DPP6: variants seen among roughly 807,000 people sequenced by gnomAD.
DPP6 encodes the protein A-type potassium channel modulatory protein DPP6.
A neutral mutation model predicts 122.6 loss-of-function variants in DPP6; 69 were observed. That is an observed-to-expected ratio of 0.56 (90% CI 0.46 to 0.69). The LOEUF is 0.69. Among genes scored for constraint, DPP6 ranks in the 30% least tolerant of loss-of-function variants. DPP6 has a pLI of 0.00. For missense variants in DPP6, 928 were observed against 1,116.9 expected (o/e 0.83, Z 2.41); for synonymous variants, 418 against 433.1 (o/e 0.97, Z 0.43).
intron 3 of DPP6, chr7:154,475,488 G>C (rs1822653354): frequency 4.7e-6 from 1 of 211,162 alleles, no homozygotes; most frequent in African/African-American, 2.4e-5. Context: ...TTGTAGAATA[G>C]CTTCCAAATG....
Position 154,827,676 on chromosome 7 carries a change from G to A in DPP6, c.1666+20564G>A, listed in dbSNP as rs73483963. 4.7e-3 allele frequency among the ~76,000 whole-genome samples: 561 copies of A among 120,512 alleles called. 9 individuals carry two copies. Among genetic ancestry groups the A allele is most frequent in the African/African-American group, 0.017 (547 of 32,214 alleles). The allele number at this position is 120,512 out of a possible 152,430, so 79.1% of individuals were successfully genotyped here. On this transcript the variant is annotated intron_variant, in intron 16 of 25. Coordinates refer to ENST00000377770, the MANE Select transcript of DPP6 (RefSeq NM_130797.4). Reference sequence around the variant, plus strand: ...GGACGGCTGGCAGGGGGGTGGTGTCGCAGCCCAAGCAGAGTGAGGAGGGGG... The same window carrying A: ...GGACGGCTGGCAGGGGGGTGGTGTCACAGCCCAAGCAGAGTGAGGAGGGGG...
rs1221168255 is a variant in DPP6 at position 154,060,886 on chromosome 7, C to T, written c.243+7823C>T. 4.2e-5 allele frequency among the ~76,000 whole-genome samples: 6 copies of T among 144,102 alleles called. 1 individual carries two copies. The highest frequency in any genetic ancestry group is 7.8e-5 in the Non-Finnish European group (5 of 64,350). 94.5% of individuals were successfully genotyped at this position (144,102 alleles called of 152,430 possible). A position where few individuals can be genotyped will look rare whatever the true frequency, so the allele number is the denominator to read the frequency against. ...GGACCCACATCACAGAGTGGGGAGG[C>T]ACCCCCCACGAGGCGGGGACTGAGA... On this transcript the variant is annotated intron_variant, in intron 1 of 25. Transcript: ENST00000377770.
intron 8 of DPP6, among the ~76,000 whole-genome samples, chr7:154,731,283 A>G (rs1041401811): frequency 4.6e-5 from 7 of 152,250 alleles, no homozygotes; most frequent in African/African-American, 1.7e-4. Context: ...TAAGAAGATA[A>G]GCTGTGTACG....
At position 154,889,485 on chromosome 7, in the gene DPP6, A is replaced by G; in HGVS notation, c.2406A>G (p.Glu802=). ...AAATTCATTTCCAGCACACAGCAGA[A>G]CTCATTACACAACTAATTAGGGGAA... The part of the protein sequence containing the change: ...DEKIHFQHTA[E]LITQLIRGKA... The change falls in exon 25 of 26, where the codon GAA becomes GAG. Residue 802 remains glutamate, a synonymous_variant. Transcript: ENST00000377770. 1 of 1,603,996 alleles carries G rather than the reference A, an allele frequency of 6.2e-7. No individual in the cohort carries two copies. The highest frequency in any genetic ancestry group is 8.5e-7 in the Non-Finnish European group (1 of 1,176,050).
chr7:154,234,742 A>G (rs1255680919), intron 1 of DPP6, among the ~76,000 whole-genome samples: 3 of 152,142 alleles, frequency 2.0e-5, no homozygotes, highest in Non-Finnish European at 4.4e-5. Flanking sequence ...TGGACTTGCC[A>G]TGAGGGTCCA....
chr7:154,539,399 G>A lies in DPP6; in HGVS notation c.458-1133G>A, dbSNP rs557240662. Among the ~76,000 whole-genome samples, 24 of 152,060 alleles carry A rather than the reference G, an allele frequency of 1.6e-4. No homozygotes were observed. The South Asian group carries it at 4.2e-3, about 26-fold the overall frequency. On this transcript the variant is annotated intron_variant, in intron 3 of 25. Transcript: ENST00000377770. ...TGTTTTATAAAATTTCTTGGTGTAC[G>A]CATGTTCTCACTCATAGGTGGGAAT...
intron 1 of DPP6, among the ~76,000 whole-genome samples, chr7:154,405,187 G>T (rs556407761): frequency 6.6e-6 from 1 of 152,214 alleles, no homozygotes; most frequent in Non-Finnish European, 1.5e-5. Flanking sequence ...GACTTGGAGA[G>T]TTTATTAGCT....
At chr7:154,142,766 A>T (rs910271699) in intron 1 of DPP6, among the ~76,000 whole-genome samples, 10 of 147,506 alleles carry the variant, frequency 6.8e-5, no homozygotes, top group Non-Finnish European at 1.2e-4. Flanking sequence ...GCATTTTTCT[A>T]CTCACTTTTA....
At chr7:154,006,293 G>A (rs1455955904) in intron 1 of DPP6, among the ~76,000 whole-genome samples, 2 of 151,926 alleles carry the variant, frequency 1.3e-5, no homozygotes, top group Non-Finnish European at 2.9e-5. Flanking sequence ...GGGGTTCAAG[G>A]TTTTTATTAT....
intron 1 of DPP6, among the ~76,000 whole-genome samples, chr7:154,329,281 G>A (rs767095169): frequency 4.6e-5 from 7 of 152,342 alleles, no homozygotes; most frequent in Non-Finnish European, 7.3e-5. Flanking sequence ...TGTTGCATCC[G>A]CACTGGCCAG....
At chr7:154,392,001 C>T (rs979846599) in intron 1 of DPP6, among the ~76,000 whole-genome samples, 1 of 152,128 alleles carries the variant, frequency 6.6e-6, no homozygotes, top group Non-Finnish European at 1.5e-5. Flanking sequence ...TGGCCGGGCG[C>T]GGCGGCTCAC....
chr7:153,875,370 C>CA, the DPP6 span, among the ~76,000 whole-genome samples: 1 of 151,224 alleles, frequency 6.6e-6, no homozygotes, highest in Non-Finnish European at 1.5e-5. Context: ...ACTCTTCATG[C>CA]AAAAAAACAT....
At chr7:154,724,601 A>G (rs1168437437) in intron 7 of DPP6, among the ~76,000 whole-genome samples, 1 of 152,048 alleles carries the variant, frequency 6.6e-6, no homozygotes, top group Non-Finnish European at 1.5e-5. Context: ...GGGGCTTCCC[A>G]TTGCCTTTGG....
At chr7:153,976,577 A>G (rs966240680) in intron 1 of DPP6, among the ~76,000 whole-genome samples, 3 of 152,256 alleles carry the variant, frequency 2.0e-5, no homozygotes, top group Admixed American at 1.3e-4. Context: ...TGCAACTTCT[A>G]TTGAAACATA....
At chr7:154,489,888 A>G (rs1824126189) in intron 3 of DPP6, among the ~76,000 whole-genome samples, 1 of 150,038 alleles carries the variant, frequency 6.7e-6, no homozygotes. Flanking sequence ...CAAACGAAAG[A>G]TACGTTTCTG....
At chr7:154,136,338 C>G (rs968761778) in intron 1 of DPP6, among the ~76,000 whole-genome samples, 2 of 152,058 alleles carry the variant, frequency 1.3e-5, no homozygotes, top group African/African-American at 4.8e-5. Flanking sequence ...CTGGTGTTCC[C>G]AAATGTTCCC....
At chr7:154,587,126 CTTG>C (rs894591306) in intron 5 of DPP6, 1 of 154,560 alleles carries the variant, frequency 6.5e-6, no homozygotes, top group African/African-American at 2.4e-5. Context: ...AGAGGTGCTT[CTTG>C]TTGTATTTAT....
intron 1 of DPP6, among the ~76,000 whole-genome samples, chr7:154,222,568 T>C (rs1312355100): frequency 2.0e-5 from 3 of 148,604 alleles, no homozygotes; most frequent in Non-Finnish European, 2.9e-5. Context: ...GGCAGGAGAA[T>C]CAATTGAACC....
intron 1 of DPP6, among the ~76,000 whole-genome samples, chr7:153,915,148 G>T (rs1800252789): frequency 1.3e-5 from 2 of 152,100 alleles, no homozygotes; most frequent in African/African-American, 4.8e-5. Flanking sequence ...TTGAGTTGTG[G>T]CCCTATGATT....
Sources: gnomAD v4.1 joint callset for allele counts (sites outside exome capture counted in the v4.1 genomes callset) on GRCh38, gnomAD v4.1.1 for gene constraint, MANE v1.5 for transcripts, NCBI Gene and HGNC (gene_info 2026-07-23, HGNC 2026-07-21) for gene names.